The following CLSTN1 variants were observed in gnomAD, a reference collection of about 807,000 sequenced individuals.
CLSTN1 encodes calsyntenin 1, also known as calsyntenin-1.
Under a neutral mutation model 108.3 loss-of-function variants are expected in CLSTN1, and 28 were observed. The ratio of observed to expected loss-of-function variants is 0.26; its 90% CI spans 0.19 to 0.35. CLSTN1 has a LOEUF of 0.35. Among genes scored for constraint, CLSTN1 ranks in the 10% least tolerant of loss-of-function variants. The pLI, the probability that CLSTN1 is intolerant of heterozygous loss-of-function variation, is 1.00. For missense variants in CLSTN1, 1,157 were observed against 1,302.6 expected, an observed-to-expected ratio of 0.89 and a Z score of 1.72; for synonymous variants, 524 against 534.9, an observed-to-expected ratio of 0.98 and a Z score of 0.28.
At chr1:9,772,140 CTTTTT>C (rs57522417) in intron 2 of CLSTN1, among the ~76,000 whole-genome samples, 8 of 30,916 alleles carry the variant, frequency 2.6e-4, no homozygotes, top group African/African-American at 1.0e-3. Flanking sequence ...CCACACCCGG[CTTTTT>C]TTTTTTTTTT....
At position 9,773,306 on chromosome 1, in the gene CLSTN1, G is replaced by A. The variant is rs140488038; in HGVS notation, c.180C>T (p.Ile60=). Residue 60 remains isoleucine (I), a synonymous_variant, in exon 2 of 19, where the codon ATC becomes ATT. Transcript: ENST00000377298. ...DNTVLLDPPL[I]ALDKDAPLRF... ...GCAGAGGCGCATCTTTATCCAGCGC[G>A]ATCAGTGGGGGGTCGAGGAGCACGG... The A allele has an allele frequency of 2.2e-5, 35 of 1,614,088 alleles. No individual in the cohort carries two copies. The highest frequency in any genetic ancestry group is 4.5e-5 in the East Asian group (2 of 44,886).
rs1330711966 is a variant in CLSTN1 at position 9,729,711 on chromosome 1, GCACCCCA to G, written c.*790_*796del. On this transcript the variant is annotated 3_prime_UTR_variant, in exon 19 of 19. Coordinates refer to ENST00000377298, the MANE Select transcript of CLSTN1 (RefSeq NM_001009566.3). The stretch of plus-strand genomic sequence containing the variant: ...GTGTGGAAAAGGGGCCAGGGACCCC[GCACCCCA>G]CACCAAATTAGGAACAGGTAGAATC... 1.3e-5 allele frequency: 2 copies of G among 152,518 alleles called. No homozygotes were observed. The highest frequency in any genetic ancestry group is 2.9e-5 in the Non-Finnish European group (2 of 68,330). 9.4% of individuals were successfully genotyped at this position (152,518 alleles called of 1,614,324 possible).
intron 1 of CLSTN1, among the ~76,000 whole-genome samples, chr1:9,812,804 C>G (rs577906108): frequency 6.7e-6 from 1 of 148,260 alleles, no homozygotes; most frequent in South Asian, 2.2e-4. Context: ...GCTGAGATCA[C>G]GCCATTGCAT....
chr1:9,766,469 C>G (rs1652339686), intron 2 of CLSTN1, among the ~76,000 whole-genome samples: 1 of 152,152 alleles, frequency 6.6e-6, no homozygotes. Context: ...ACCAGCCTGG[C>G]CAACATGGTG....
intron 18 of CLSTN1, 30 bp downstream of exon 18, chr1:9,731,176 C>T (rs1249296507): frequency 6.2e-7 from 1 of 1,613,748 alleles, no homozygotes; most frequent in East Asian, 2.2e-5. Context: ...TGCTGCCTCT[C>T]AGTCCTGGAG....
intron 1 of CLSTN1, among the ~76,000 whole-genome samples, chr1:9,803,215 G>A (rs1654360529): frequency 6.6e-6 from 1 of 152,154 alleles, no homozygotes. Flanking sequence ...AAAAGCAAAG[G>A]ATTCTATCAT....
intron 1 of CLSTN1, among the ~76,000 whole-genome samples, chr1:9,788,277 T>C (rs1035631580): frequency 4.0e-5 from 6 of 151,026 alleles, no homozygotes; most frequent in Admixed American, 2.0e-4. Context: ...AATAAAGAAT[T>C]TGACCATTCT....
In CLSTN1 at chr1:9,755,223, G is replaced by A. The variant is rs527900694; in HGVS notation, c.331C>T (p.Arg111Cys). ...VDKSTGEGVI[R>C]SKEKLDCELQ... The stretch of plus-strand genomic sequence containing the variant: ...TCACAGTCCAGTTTCTCTTTGGAGC[G>A]AATGACTCCCTCACCAGTGGATTTA... Residue 111 changes from arginine (R) to cysteine (C), a missense_variant, in exon 4 of 19, where the codon CGC becomes TGC. Coordinates refer to ENST00000377298, the MANE Select transcript of CLSTN1 (RefSeq NM_001009566.3). 7 of 1,613,920 alleles carry A rather than the reference G, an allele frequency of 4.3e-6. No homozygotes were observed. Among genetic ancestry groups the A allele is most frequent in the Admixed American group, 1.7e-5 (1 of 59,976 alleles).
intron 1 of CLSTN1, among the ~76,000 whole-genome samples, chr1:9,797,069 G>C (rs1260240047): frequency 1.3e-5 from 2 of 152,206 alleles, no homozygotes; most frequent in East Asian, 3.9e-4. Context: ...AAAATGCAGT[G>C]TGACAAGGCT....
chr1:9,773,239 T>C (rs932196745), intron 2 of CLSTN1, 33 bp downstream of exon 2: 2 of 1,612,856 alleles, frequency 1.2e-6, no homozygotes, highest in Admixed American at 3.3e-5. Context: ...CCAGGCCCGA[T>C]TCATCAAGAG....
intron 1 of CLSTN1, among the ~76,000 whole-genome samples, chr1:9,814,899 CAAA>C (rs35955812): frequency 4.1e-5 from 6 of 146,822 alleles, no homozygotes; most frequent in Non-Finnish European, 3.0e-5. Flanking sequence ...GATCCTGTCT[CAAA>C]AAAAAAAAAA....
At chr1:9,815,586 A>C (rs889813282) in intron 1 of CLSTN1, among the ~76,000 whole-genome samples, 3 of 152,240 alleles carry the variant, frequency 2.0e-5, no homozygotes, top group African/African-American at 7.2e-5. Flanking sequence ...TATGGAGGTC[A>C]AGTGGATACA....
At chr1:9,744,989 T>C (rs1651183920) in intron 7 of CLSTN1, among the ~76,000 whole-genome samples, 1 of 152,210 alleles carries the variant, frequency 6.6e-6, no homozygotes, top group Admixed American at 6.5e-5. Flanking sequence ...CCTGACCTCG[T>C]GATCCGCCTG....
At chr1:9,750,722 A>C (rs1020274011) in intron 5 of CLSTN1, among the ~76,000 whole-genome samples, 5 of 151,302 alleles carry the variant, frequency 3.3e-5, no homozygotes, top group African/African-American at 1.2e-4. Flanking sequence ...AAACAAAAAA[A>C]AAAAAAAAAA....
At chr1:9,791,220 G>A (rs2101226376) in intron 1 of CLSTN1, among the ~76,000 whole-genome samples, 1 of 150,134 alleles carries the variant, frequency 6.7e-6, no homozygotes, top group Non-Finnish European at 1.5e-5. Flanking sequence ...AAAGCTGAAA[G>A]ACAAAGAATT....
In CLSTN1 at chr1:9,823,816, G is replaced by A; in HGVS notation, c.-83C>T. On this transcript the variant is annotated 5_prime_UTR_variant, in exon 1 of 19. Transcript: ENST00000377298. This position sits in a 1 kb window ranked among gnomAD's most constrained non-coding sequence, Gnocchi z 6.3. The stretch of plus-strand genomic sequence containing the variant: ...GAGCTCTCGGGGCTCTAGGGGCCTG[G>A]GGCTAGCTGCTCCGCGGCGCGGGGA... The A allele has an allele frequency of 1.4e-6, 1 of 705,506 alleles. No individual in the cohort carries two copies. The highest frequency in any genetic ancestry group is 1.8e-6 in the Non-Finnish European group (1 of 567,628). 43.7% of individuals were successfully genotyped at this position (705,506 alleles called of 1,614,324 possible).
intron 2 of CLSTN1, among the ~76,000 whole-genome samples, chr1:9,769,338 G>A (rs1396034106): frequency 6.6e-6 from 1 of 151,990 alleles, no homozygotes; most frequent in African/African-American, 2.4e-5. Context: ...GACCTGTACA[G>A]GAATGTTCAC....
chr1:9,737,923 C>T (rs1224773710), intron 10 of CLSTN1, among the ~76,000 whole-genome samples: 1 of 152,136 alleles, frequency 6.6e-6, no homozygotes, highest in Admixed American at 6.5e-5. Flanking sequence ...ATGCTGCTCC[C>T]GATATAAACA....
At chr1:9,794,188 GC>G (rs1653889799) in intron 1 of CLSTN1, among the ~76,000 whole-genome samples, 1 of 151,526 alleles carries the variant, frequency 6.6e-6, no homozygotes, top group African/African-American at 2.4e-5. Context: ...TCAGAACAGA[GC>G]CCTGAGCTTT....
Sources: allele counts gnomAD v4.1 joint callset (sites outside exome capture counted in the v4.1 genomes callset), GRCh38; gene constraint gnomAD v4.1.1; non-coding constraint Gnocchi (gnomAD v3.1); transcripts MANE v1.5; gene names NCBI Gene and HGNC (gene_info 2026-07-23, HGNC 2026-07-21).